PAX3: variants seen among roughly 807,000 people sequenced by gnomAD.
PAX3 encodes the protein paired box protein Pax-3.
Under a neutral mutation model 51.6 loss-of-function variants are expected in PAX3, and 14 were observed. The observed-to-expected ratio is 0.27, with a 90% CI of 0.18 to 0.42. The LOEUF is 0.42. Ranked by LOEUF, PAX3 falls within the 10% of genes least tolerant of loss-of-function variation. PAX3 has a pLI of 1.00. For synonymous variants in PAX3, 280 were observed against 253.4 expected (o/e 1.11, Z -1.00); for missense variants, 540 against 642.8 (o/e 0.84, Z 1.73).
rs770399322 is a variant in PAX3, at chr2:222,244,036, G to A, written c.587-11753C>T. On this transcript the variant is annotated intron_variant, in intron 4 of 8. Coordinates refer to ENST00000392070, the MANE Select transcript of PAX3 (RefSeq NM_181458.4). The stretch of plus-strand genomic sequence containing the variant: ...GAGAGTGTGATTCCTCCCCTTCATC[G>A]TGCAAAAGTATAAGTCTCCTGTCTA... Among the ~76,000 whole-genome samples, 21 of 152,142 alleles carry A rather than the reference G, an allele frequency of 1.4e-4. No individual in the cohort carries two copies. The East Asian group carries it at 1.9e-3, about 14-fold the overall frequency.
Position 222,201,366 on chromosome 2 carries a change from A to AC in PAX3, c.*41dup, listed in dbSNP as rs1331445411. ...GATTCTTCATATCTAGGCTGCGAAG[A>AC]CCAGAAACAGGGCCAGTTTTAGCTC... is the stretch of plus-strand genomic sequence containing the variant. On this transcript the variant is annotated 3_prime_UTR_variant, in exon 9 of 9. Coordinates refer to ENST00000392070, the MANE Select transcript of PAX3 (RefSeq NM_181458.4). The AC allele has an allele frequency of 1.5e-5, 24 of 1,611,810 alleles. No individual in the cohort carries two copies. The highest frequency in any genetic ancestry group is 2.0e-5 in the Non-Finnish European group (24 of 1,179,804).
chr2:222,234,098 GT>G (rs1372088796), intron 4 of PAX3, among the ~76,000 whole-genome samples: 1 of 152,056 alleles, frequency 6.6e-6, no homozygotes, highest in Non-Finnish European at 1.5e-5. Flanking sequence ...GTGATTTTCA[GT>G]TTTCTAACAT....
chr2:222,215,148 T>A (rs1302426365), intron 7 of PAX3, among the ~76,000 whole-genome samples: 2 of 152,164 alleles, frequency 1.3e-5, no homozygotes, highest in African/African-American at 4.8e-5. Context: ...CTCAGAAAGC[T>A]TCTTGGATAT....
chr2:222,232,318 T>G (rs750174234), intron 4 of PAX3, 35 bp from the exon 5 acceptor site: 2 of 1,584,452 alleles, frequency 1.3e-6, no homozygotes, highest in Non-Finnish European at 1.7e-6. Context: ...TCATAAAATG[T>G]GAATCAAAAA....
In PAX3 at chr2:222,201,239, A is replaced by G; in HGVS notation, c.*169T>C. ...AACGTGTTCAAAAGGATTTGAAACC[A>G]ACTATTGGAGGAAGAAAATCAATCA... On this transcript the variant is annotated 3_prime_UTR_variant, in exon 9 of 9. Coordinates refer to ENST00000392070, the MANE Select transcript of PAX3 (RefSeq NM_181458.4). 6.2e-7 allele frequency: 1 copy of G among 1,614,028 alleles called. No individual in the cohort carries two copies. The highest frequency in any genetic ancestry group is 2.2e-5 in the East Asian group (1 of 44,848).
chr2:222,222,335 T>C (rs1237313446), intron 5 of PAX3, among the ~76,000 whole-genome samples: 2 of 152,138 alleles, frequency 1.3e-5, no homozygotes, highest in East Asian at 3.9e-4. Context: ...ACACATGATG[T>C]TTCCCCTAAA....
chr2:222,223,340 C>T (rs1162919524), intron 5 of PAX3, among the ~76,000 whole-genome samples: 1 of 152,178 alleles, frequency 6.6e-6, no homozygotes, highest in Admixed American at 6.5e-5. Flanking sequence ...CATGTTGATA[C>T]ATAATTGAAT....
intron 5 of PAX3, among the ~76,000 whole-genome samples, chr2:222,224,097 G>C (rs903593102): frequency 2.6e-5 from 4 of 152,126 alleles, no homozygotes; most frequent in Non-Finnish European, 5.9e-5. Context: ...TAAGGGTTTG[G>C]GGGTTTGTTT....
chr2:222,277,148 GA>G lies in PAX3; in HGVS notation c.586+17018del, dbSNP rs61389252. 2.0e-3 allele frequency among the ~76,000 whole-genome samples: 295 copies of G among 150,308 alleles called. 1 individual carries two copies. The highest frequency in any genetic ancestry group is 6.6e-3 in the African/African-American group (271 of 41,004). On this transcript the variant is annotated intron_variant, in intron 4 of 8. Transcript: ENST00000392070. ...TTTTACAATTTAGGGGGCTCCTCTT[GA>G]AAAAAAAATACAATAGATCTTAATT...
chr2:222,237,545 G>A (rs1344551077), intron 4 of PAX3, among the ~76,000 whole-genome samples: 3 of 152,090 alleles, frequency 2.0e-5, no homozygotes, highest in Non-Finnish European at 4.4e-5. Flanking sequence ...TTTTCCAGTG[G>A]ATTCAATTCA....
In PAX3 at chr2:222,258,121, G is replaced by T. The variant is rs557147220; in HGVS notation, c.587-25838C>A. On this transcript the variant is annotated intron_variant, in intron 4 of 8. Coordinates refer to ENST00000392070, the MANE Select transcript of PAX3 (RefSeq NM_181458.4). ...AATCCTCCAACCCTAGTGGAAACAA[G>T]CAAAAATAAAAGCAAACCCGAAAAA... Among the ~76,000 whole-genome samples the T allele has an allele frequency of 5.9e-5, 9 of 152,190 alleles. No homozygotes were observed. In the Middle Eastern group the frequency reaches 0.014, roughly 230 times the overall value.
intron 7 of PAX3, among the ~76,000 whole-genome samples, chr2:222,203,012 C>CTTATAT (rs1691360841): frequency 2.4e-5 from 1 of 41,178 alleles, no homozygotes; most frequent in South Asian, 2.1e-3. Context: ...ACAACCATTT[C>CTTATAT]ATATATATAT....
At chr2:222,278,171 C>A (rs756533142) in intron 4 of PAX3, among the ~76,000 whole-genome samples, 3 of 151,990 alleles carry the variant, frequency 2.0e-5, no homozygotes, top group Non-Finnish European at 4.4e-5. Context: ...CCACTGAGAC[C>A]CTTTTGGCTT....
intron 4 of PAX3, among the ~76,000 whole-genome samples, chr2:222,258,390 C>A (rs1395747659): frequency 1.3e-5 from 2 of 151,954 alleles, no homozygotes; most frequent in Non-Finnish European, 2.9e-5. Context: ...TTTCTGATTT[C>A]ATTATTAAAT....
At chr2:222,263,179 A>G (rs1348504487) in intron 4 of PAX3, 3 of 152,230 alleles carry the variant, frequency 2.0e-5, no homozygotes, top group African/African-American at 7.2e-5. Flanking sequence ...AAGGCAATGT[A>G]GAGATTGAGA....
chr2:222,272,947 A>G (rs1460410516), intron 4 of PAX3, among the ~76,000 whole-genome samples: 1 of 152,200 alleles, frequency 6.6e-6, no homozygotes, highest in Non-Finnish European at 1.5e-5. Context: ...TTTCAGACCT[A>G]AAGTTATCCT....
intron 7 of PAX3, among the ~76,000 whole-genome samples, chr2:222,216,859 A>G (rs1469960616): frequency 6.6e-6 from 1 of 152,218 alleles, no homozygotes; most frequent in African/African-American, 2.4e-5. Flanking sequence ...GGCAAACAAT[A>G]CATCAATTTC....
At chr2:222,284,811 C>T (rs1036433870) in intron 4 of PAX3, among the ~76,000 whole-genome samples, 1 of 152,200 alleles carries the variant, frequency 6.6e-6, no homozygotes, top group Non-Finnish European at 1.5e-5. Flanking sequence ...ATAATATGCA[C>T]CTTCTCATTT....
chr2:222,293,662 G>A (rs1380708937), intron 4 of PAX3: 5 of 1,614,120 alleles, frequency 3.1e-6, no homozygotes, highest in Non-Finnish European at 4.2e-6. Flanking sequence ...TTATAAGGCA[G>A]CCAATGTGGG....
Sources: gnomAD v4.1 joint callset for allele counts (sites outside exome capture counted in the v4.1 genomes callset) on GRCh38, gnomAD v4.1.1 for gene constraint, MANE v1.5 for transcripts, NCBI Gene and HGNC (gene_info 2026-07-23, HGNC 2026-07-21) for gene names.